MCTP1: variants seen among roughly 807,000 people sequenced by gnomAD.
The protein encoded by MCTP1 is multiple C2 and transmembrane domain-containing protein 1.
A neutral mutation model predicts 120.6 loss-of-function variants in MCTP1; 69 were observed. The observed-to-expected ratio is 0.57, with a 90% CI of 0.47 to 0.70. MCTP1 has a LOEUF of 0.70. Among genes scored for constraint, MCTP1 ranks in the 30% least tolerant of loss-of-function variants. MCTP1 has a pLI of 0.00. For missense variants in MCTP1, 1,203 were observed against 1,248.8 expected (o/e 0.96, Z 0.55); for synonymous variants, 529 against 493.1 (o/e 1.07, Z -0.96).
chr5:94,937,977 A>G (rs1422162010), intron 5 of MCTP1, among the ~76,000 whole-genome samples: 4 of 152,004 alleles, frequency 2.6e-5, no homozygotes, highest in Admixed American at 2.0e-4. Flanking sequence ...ACCCCAGCAT[A>G]AGAATATTCT....
At chr5:95,261,222 T>C (rs965999980) in intron 1 of MCTP1, among the ~76,000 whole-genome samples, 9 of 152,202 alleles carry the variant, frequency 5.9e-5, no homozygotes, top group African/African-American at 2.2e-4. Context: ...CTTTGAGACC[T>C]TGTACTCTGA....
intron 2 of MCTP1, among the ~76,000 whole-genome samples, chr5:94,981,766 A>C (rs748546190): frequency 6.6e-6 from 1 of 152,164 alleles, no homozygotes; most frequent in Non-Finnish European, 1.5e-5. Context: ...AGAAAGCAGC[A>C]AGTGCAGAGG....
In MCTP1 at chr5:95,284,890, G is replaced by C. The variant is rs1186082660; in HGVS notation, c.-315C>G. The stretch of plus-strand genomic sequence containing the variant: ...TGCAAAGTTTTTCCCTCGAAGCTCC[G>C]CGGCTCCAGTCCACTGGCGTCCCCC... On this transcript the variant is annotated 5_prime_UTR_variant, in exon 1 of 23. Coordinates refer to ENST00000515393, the MANE Select transcript of MCTP1 (RefSeq NM_024717.7). The surrounding 1 kb of genome is among the most constrained non-coding windows in gnomAD (Gnocchi z 5.2). Among the ~76,000 whole-genome samples the C allele has an allele frequency of 6.6e-6, 1 of 152,020 alleles. No individual in the cohort carries two copies.
At chr5:95,016,939 T>C (rs1018851531) in intron 2 of MCTP1, among the ~76,000 whole-genome samples, 2 of 152,116 alleles carry the variant, frequency 1.3e-5, no homozygotes, top group African/African-American at 4.8e-5. Flanking sequence ...CTTAGGAATC[T>C]CTGAAGTTTT....
At chr5:94,760,778 C>G (rs904511580) in intron 19 of MCTP1, among the ~76,000 whole-genome samples, 2 of 152,052 alleles carry the variant, frequency 1.3e-5, no homozygotes, top group Non-Finnish European at 2.9e-5. Flanking sequence ...TTGAGCTCCC[C>G]AGGCTCAAGT....
intron 19 of MCTP1, among the ~76,000 whole-genome samples, chr5:94,744,143 T>C (rs189599121): frequency 4.0e-5 from 6 of 149,800 alleles, no homozygotes; most frequent in Admixed American, 1.3e-4. Flanking sequence ...GCTAATGTTA[T>C]TGTTTGTTTG....
intron 1 of MCTP1, among the ~76,000 whole-genome samples, chr5:95,119,952 C>T (rs1758084700): frequency 6.6e-6 from 1 of 151,920 alleles, no homozygotes; most frequent in Non-Finnish European, 1.5e-5. Flanking sequence ...GTGGGCAGAT[C>T]ACGAGGTCAG....
At chr5:94,780,231 TAG>T (rs1462152287) in intron 18 of MCTP1, among the ~76,000 whole-genome samples, 2 of 149,958 alleles carry the variant, frequency 1.3e-5, no homozygotes, top group African/African-American at 2.5e-5. Context: ...AAGCTCATAT[TAG>T]AGGACAGAGA....
At chr5:94,919,498 G>A (rs1810998451) in intron 7 of MCTP1, among the ~76,000 whole-genome samples, 1 of 152,116 alleles carries the variant, frequency 6.6e-6, no homozygotes, top group African/African-American at 2.4e-5. Flanking sequence ...TATTACCTGT[G>A]TACAACCTAA....
At chr5:94,968,287 T>C (rs984258123) in intron 2 of MCTP1, among the ~76,000 whole-genome samples, 1 of 152,202 alleles carries the variant, frequency 6.6e-6, no homozygotes. Flanking sequence ...TCCTTTTCTG[T>C]AGCCTTTAAA....
chr5:95,093,550 A>G (rs940806483), intron 1 of MCTP1, among the ~76,000 whole-genome samples: 11 of 152,122 alleles, frequency 7.2e-5, no homozygotes, highest in Non-Finnish European at 1.2e-4. Context: ...TTTGGACCTT[A>G]GATGATACTA....
At chr5:94,851,413 G>C (rs1338132701) in intron 17 of MCTP1, among the ~76,000 whole-genome samples, 1 of 151,990 alleles carries the variant, frequency 6.6e-6, no homozygotes, top group African/African-American at 2.4e-5. Flanking sequence ...CTTCTTCACA[G>C]TGTTAGAGAT....
At chr5:94,901,355 A>G (rs566369320) in intron 10 of MCTP1, among the ~76,000 whole-genome samples, 3 of 152,214 alleles carry the variant, frequency 2.0e-5, no homozygotes, top group South Asian at 2.1e-4. Context: ...CTCCCACACA[A>G]TGGAAATTAT....
At chr5:94,726,581 GT>G (rs5869645) in intron 19 of MCTP1, among the ~76,000 whole-genome samples, 133,593 of 151,596 alleles carry the variant, frequency 0.88, 58,963 homozygotes, top group African/African-American at 0.93. Context: ...GGCCCGCAAA[GT>G]TTTTTTTTTC....
At chr5:94,890,841 G>A (rs77598158) in intron 11 of MCTP1, among the ~76,000 whole-genome samples, 238 of 152,260 alleles carry the variant, frequency 1.6e-3, no homozygotes, top group African/African-American at 5.6e-3. Context: ...ACACTTCATA[G>A]CATTTTTCTT....
At chr5:95,161,582 G>T (rs1158113168) in intron 1 of MCTP1, among the ~76,000 whole-genome samples, 1 of 151,988 alleles carries the variant, frequency 6.6e-6, no homozygotes, top group Non-Finnish European at 1.5e-5. Context: ...TGCTAAAAGA[G>T]ATTTTAAATG....
At chr5:94,777,993 T>C (rs1285025998) in intron 19 of MCTP1, among the ~76,000 whole-genome samples, 1 of 150,934 alleles carries the variant, frequency 6.6e-6, no homozygotes, top group Non-Finnish European at 1.5e-5. Flanking sequence ...AGGAAAAAAA[T>C]CATGTGGAGA....
intron 2 of MCTP1, among the ~76,000 whole-genome samples, chr5:95,000,610 GA>G (rs567432911): frequency 2.0e-5 from 3 of 151,992 alleles, no homozygotes; most frequent in Non-Finnish European, 4.4e-5. Flanking sequence ...AAAGTTGATG[GA>G]ATAAGGATAT....
intron 1 of MCTP1, chr5:95,081,555 T>C: frequency 6.5e-7 from 1 of 1,534,846 alleles, no homozygotes; most frequent in Non-Finnish European, 8.8e-7. Flanking sequence ...CTTTCTTCAC[T>C]GAATACCGGC....
Sources: allele counts gnomAD v4.1 joint callset (sites outside exome capture counted in the v4.1 genomes callset), GRCh38; gene constraint gnomAD v4.1.1; non-coding constraint Gnocchi (gnomAD v3.1); transcripts MANE v1.5; gene names NCBI Gene and HGNC (gene_info 2026-07-23, HGNC 2026-07-21).